The following CADM1 variants were observed in gnomAD, a reference collection of about 807,000 sequenced individuals.
CADM1 encodes TSLC-1.
In CADM1, 15 loss-of-function variants were observed where a neutral mutation model predicts 53.1. The ratio of observed to expected loss-of-function variants is 0.28; its 90% CI spans 0.19 to 0.44. The LOEUF (loss-of-function observed/expected upper bound fraction) is 0.44, where lower values mean the gene tolerates loss of function less well. Among genes scored for constraint, CADM1 ranks in the 20% least tolerant of loss-of-function variants. CADM1 has a pLI of 1.00. For missense variants in CADM1, 434 were observed against 611.3 expected (o/e 0.71, Z 3.06); for synonymous variants, 281 against 243.0 (o/e 1.16, Z -1.45).
chr11:115,495,258 T>G (rs776884957), intron 1 of CADM1, among the ~76,000 whole-genome samples: 1 of 152,220 alleles, frequency 6.6e-6, no homozygotes, highest in Non-Finnish European at 1.5e-5. Context: ...GGATGACTTG[T>G]AACATCCAGG....
At chr11:115,306,072 CCACACACACACACA>C (rs6144515) in intron 1 of CADM1, among the ~76,000 whole-genome samples, 1 of 130,390 alleles carries the variant, frequency 7.7e-6, no homozygotes, top group African/African-American at 2.9e-5. Context: ...AGGATATATA[CCACACACACACACA>C]CACACACACA....
intron 1 of CADM1, among the ~76,000 whole-genome samples, chr11:115,289,593 C>CTTTTTTTTTTTTT (rs56766047): frequency 2.8e-5 from 3 of 109,032 alleles, no homozygotes; most frequent in Admixed American, 1.9e-4. Context: ...CTTTTTTTTT[C>CTTTTTTTTTTTTT]TTTTTTTTTT....
At chr11:115,374,786 G>A (rs529911175) in intron 1 of CADM1, among the ~76,000 whole-genome samples, 1 of 152,244 alleles carries the variant, frequency 6.6e-6, no homozygotes, top group African/African-American at 2.4e-5. Context: ...GCAATTATGG[G>A]ACAAGCAGTC....
At position 115,228,961 on chromosome 11, in the gene CADM1, C is replaced by T. The variant is rs1017841011; in HGVS notation, c.721+152G>A. The T allele has an allele frequency of 1.1e-5, 9 of 809,126 alleles. No homozygotes were observed. In the Admixed American group the frequency reaches 1.3e-4, roughly 12 times the overall value. 50.1% of individuals were successfully genotyped at this position (809,126 alleles called of 1,614,324 possible). A position where few individuals can be genotyped will look rare whatever the true frequency, so the allele number is the denominator to read the frequency against. On this transcript the variant is annotated intron_variant, in intron 5 of 11. Transcript: ENST00000331581. ...ATTGGCACTCTGTAATATGGCAGTA[C>T]AATATTTCAATAAAATAATCCTTTA...
intron 1 of CADM1, among the ~76,000 whole-genome samples, chr11:115,413,521 G>A (rs893205579): frequency 5.9e-5 from 9 of 151,962 alleles, no homozygotes; most frequent in Non-Finnish European, 8.8e-5. Context: ...TATGATAACT[G>A]TCTCCATTAT....
intron 1 of CADM1, among the ~76,000 whole-genome samples, chr11:115,306,381 C>T (rs1944375579): frequency 6.6e-6 from 1 of 152,052 alleles, no homozygotes; most frequent in East Asian, 1.9e-4. Flanking sequence ...GTGATGTTCA[C>T]ACAATGACAA....
chr11:115,290,060 G>A (rs996286773), intron 1 of CADM1, among the ~76,000 whole-genome samples: 1 of 152,184 alleles, frequency 6.6e-6, no homozygotes, highest in Non-Finnish European at 1.5e-5. Context: ...GCGCCACAGC[G>A]TCGTGCTCAG....
chr11:115,214,772 A>G lies in CADM1; in HGVS notation c.830T>C (p.Met277Thr). Residue 277 changes from methionine (M) to threonine (T), a missense_variant, in exon 7 of 12, where the codon ATG (methionine) becomes ACG (threonine). Physicochemically the swap from Met to Thr is moderately conservative, Grantham distance 81 (BLOSUM62 -1). Around this residue, in one of 4 missense-constraint regions of CADM1, gnomAD observed 311 missense variants for 435.1 expected, o/e 0.71. Transcript: ENST00000331581. ...ATCATCGACTCTCACCCAAGTTACCATCACAGGCCTGCAGGGGGAAGGGGA... is the reference window on the plus strand; with the variant it reads ...ATCATCGACTCTCACCCAAGTTACCGTCACAGGCCTGCAGGGGGAAGGGGA... ...CEAIGKPQPV[M>T]VTWVRVDDEM... 6.2e-7 allele frequency: 1 copy of G among 1,613,910 alleles called. No homozygotes were observed. The highest frequency in any genetic ancestry group is 8.5e-7 in the Non-Finnish European group (1 of 1,179,860).
At chr11:115,216,702 C>T (rs1223088861) in intron 6 of CADM1, among the ~76,000 whole-genome samples, 2 of 152,290 alleles carry the variant, frequency 1.3e-5, no homozygotes, top group South Asian at 4.1e-4. Flanking sequence ...TAAAACTCCA[C>T]ATGGTTAGCA....
At chr11:115,286,196 A>G (rs976114175) in intron 1 of CADM1, among the ~76,000 whole-genome samples, 1 of 152,246 alleles carries the variant, frequency 6.6e-6, no homozygotes, top group Non-Finnish European at 1.5e-5. Context: ...GCTACTCGTT[A>G]TATGCACACT....
chr11:115,427,231 G>A (rs533869286), intron 1 of CADM1, among the ~76,000 whole-genome samples: 1 of 152,310 alleles, frequency 6.6e-6, no homozygotes, highest in South Asian at 2.1e-4. Flanking sequence ...CTTCACTGAA[G>A]AACAGTTTAC....
intron 1 of CADM1, among the ~76,000 whole-genome samples, chr11:115,452,638 T>C (rs1221822156): frequency 6.6e-6 from 1 of 152,158 alleles, no homozygotes; most frequent in Non-Finnish European, 1.5e-5. Flanking sequence ...ACATTAACAC[T>C]TGGGGGAAAC....
At chr11:115,434,583 TC>T (rs1948135445) in intron 1 of CADM1, among the ~76,000 whole-genome samples, 1 of 152,166 alleles carries the variant, frequency 6.6e-6, no homozygotes, top group Non-Finnish European at 1.5e-5. Flanking sequence ...AGTTCTCACT[TC>T]ATAGAAATCT....
rs184675881 is a variant in CADM1, at chr11:115,395,397, T to G, written c.124+108874A>C. Reference sequence around the variant, plus strand: ...ACCAATGCATTAATCTACATCTGCTTTTTAAAGCAAATCATTTACACACAT... The same window carrying G: ...ACCAATGCATTAATCTACATCTGCTGTTTAAAGCAAATCATTTACACACAT... On this transcript the variant is annotated intron_variant, in intron 1 of 11. Coordinates refer to ENST00000331581, the MANE Select transcript of CADM1 (RefSeq NM_001301043.2). 5.3e-5 allele frequency among the ~76,000 whole-genome samples: 8 copies of G among 152,308 alleles called. No individual in the cohort carries two copies. The East Asian group carries it at 1.5e-3, about 29-fold the overall frequency.
intron 10 of CADM1, among the ~76,000 whole-genome samples, chr11:115,180,071 A>G (rs1231365785): frequency 6.6e-6 from 1 of 152,166 alleles, no homozygotes; most frequent in African/African-American, 2.4e-5. Context: ...AAGTTTATCG[A>G]TCAAGTGTAC....
chr11:115,450,136 A>C (rs576458195), intron 1 of CADM1, among the ~76,000 whole-genome samples: 1 of 152,286 alleles, frequency 6.6e-6, no homozygotes, highest in South Asian at 2.1e-4. Flanking sequence ...TTGACCCAGC[A>C]AGTTCAACCA....
intron 1 of CADM1, among the ~76,000 whole-genome samples, chr11:115,254,549 AACACACACACACACACAC>A (rs58261564): frequency 1.1e-3 from 142 of 134,988 alleles, no homozygotes; most frequent in African/African-American, 3.2e-3. Context: ...AAGGGAGACA[AACACACACACACACACAC>A]ACACACACAC....
chr11:115,490,167 C>T (rs1479242795), intron 1 of CADM1, among the ~76,000 whole-genome samples: 1 of 152,120 alleles, frequency 6.6e-6, no homozygotes, highest in African/African-American at 2.4e-5. Context: ...AGGAATGAGG[C>T]TAGCAGTAAA....
At chr11:115,191,349 G>A (rs912704807) in intron 9 of CADM1, among the ~76,000 whole-genome samples, 16 of 152,142 alleles carry the variant, frequency 1.1e-4, no homozygotes, top group Non-Finnish European at 1.2e-4. Flanking sequence ...ATTGAAATCC[G>A]CTGCCAATAC....
Sources: gnomAD v4.1 joint callset for allele counts (sites outside exome capture counted in the v4.1 genomes callset) on GRCh38, gnomAD v4.1.1 for gene constraint, gnomAD v4.1.1 regional missense constraint, MANE v1.5 for transcripts, NCBI Gene and HGNC (gene_info 2026-07-23, HGNC 2026-07-21) for gene names.